PLCB4: variants seen among roughly 807,000 people sequenced by gnomAD.
PLCB4 encodes the protein phospholipase C beta 4.
A neutral mutation model predicts 178.8 loss-of-function variants in PLCB4; 77 were observed. The ratio of observed to expected loss-of-function variants is 0.43; its 90% CI spans 0.36 to 0.52. The LOEUF (loss-of-function observed/expected upper bound fraction) is 0.52, where lower values mean the gene tolerates loss of function less well. Among genes scored for constraint, PLCB4 ranks in the 20% least tolerant of loss-of-function variants. PLCB4 has a pLI of 0.00. For synonymous variants in PLCB4, 496 were observed against 490.8 expected (o/e 1.01, Z -0.14); for missense variants, 1,024 against 1,453.4 (o/e 0.70, Z 4.80).
chr20:9,337,157 T>C lies in PLCB4; in HGVS notation c.116T>C (p.Phe39Ser). 6.2e-7 allele frequency: 1 copy of C among 1,613,324 alleles called. No homozygotes were observed. The highest frequency in any genetic ancestry group is 8.5e-7 in the Non-Finnish European group (1 of 1,179,392). ...TTTGTGTTTGAACCCAACTGCCTCTTCAAAGTGGATGAGTTTGGCTTCTTT... is the reference window on the plus strand; with the variant it reads ...TTTGTGTTTGAACCCAACTGCCTCTCCAAAGTGGATGAGTTTGGCTTCTTT... ...ESFVFEPNCL[F>S]KVDEFGFFLT... The change falls in exon 5 of 40, where the codon TTC (phenylalanine) becomes TCC (serine). Residue 39 changes from phenylalanine to serine, a missense_variant. Around this residue, in one of 7 missense-constraint regions of PLCB4, gnomAD observed 225 missense variants for 291.0 expected, o/e 0.77. Coordinates refer to ENST00000378473, the MANE Select transcript of PLCB4 (RefSeq NM_001377142.1).
intron 2 of PLCB4, among the ~76,000 whole-genome samples, chr20:9,171,302 T>C (rs2093059717): frequency 6.6e-6 from 1 of 152,202 alleles, no homozygotes; most frequent in African/African-American, 2.4e-5. Context: ...CAAAGGTACA[T>C]CATTTAGTAG....
intron 2 of PLCB4, among the ~76,000 whole-genome samples, chr20:9,168,239 C>T (rs542473542): frequency 3.9e-5 from 6 of 152,106 alleles, no homozygotes; most frequent in Non-Finnish European, 7.4e-5. Context: ...TAGACTCTCC[C>T]GGGGCTTTGG....
At chr20:9,203,056 A>AAAAATATATAT (rs769628056) in intron 2 of PLCB4, among the ~76,000 whole-genome samples, 9 of 126,160 alleles carry the variant, frequency 7.1e-5, no homozygotes, top group African/African-American at 3.0e-4. Context: ...AAAAAAAAAA[A>AAAAATATATAT]ATATATATAT....
At chr20:9,253,236 A>C (rs1366820488) in intron 3 of PLCB4, among the ~76,000 whole-genome samples, 1 of 152,156 alleles carries the variant, frequency 6.6e-6, no homozygotes, top group African/African-American at 2.4e-5. Flanking sequence ...TGGCCTGTGC[A>C]CATTTCCAGC....
intron 1 of PLCB4, among the ~76,000 whole-genome samples, chr20:9,076,125 G>C (rs766561308): frequency 6.6e-6 from 1 of 151,986 alleles, no homozygotes; most frequent in Non-Finnish European, 1.5e-5. Context: ...ACAAAGTTGA[G>C]GGGGGAAGGG....
intron 2 of PLCB4, among the ~76,000 whole-genome samples, chr20:9,207,712 T>A (rs2093629787): frequency 6.6e-6 from 1 of 152,246 alleles, no homozygotes; most frequent in Non-Finnish European, 1.5e-5. Flanking sequence ...AGGAAAGGGA[T>A]CCAATCATGT....
chr20:9,446,580 T>A (rs1022354967), intron 32 of PLCB4, among the ~76,000 whole-genome samples: 3 of 152,202 alleles, frequency 2.0e-5, no homozygotes, highest in Non-Finnish European at 4.4e-5. Flanking sequence ...GCCAGCTCTG[T>A]TAACATATTG....
intron 1 of PLCB4, among the ~76,000 whole-genome samples, chr20:9,085,195 A>C (rs947286866): frequency 6.6e-6 from 1 of 152,204 alleles, no homozygotes; most frequent in Non-Finnish European, 1.5e-5. Context: ...TTAAAATACT[A>C]TTCAGAACCT....
At chr20:9,395,393 A>G (rs541640973) in intron 18 of PLCB4, 130 bp from the exon 19 acceptor site, 6 of 649,030 alleles carry the variant, frequency 9.2e-6, no homozygotes, top group East Asian at 5.5e-5. Context: ...CCTTAGAAAC[A>G]TGGTGCCTTG....
chr20:9,355,605 G>T (rs953069791), intron 7 of PLCB4, among the ~76,000 whole-genome samples: 1 of 151,878 alleles, frequency 6.6e-6, no homozygotes, highest in Non-Finnish European at 1.5e-5. Context: ...TTTCATCCAT[G>T]TCCCTACAAA....
intron 3 of PLCB4, among the ~76,000 whole-genome samples, chr20:9,223,300 A>T (rs138261038): frequency 6.6e-6 from 1 of 152,328 alleles, no homozygotes; most frequent in East Asian, 1.9e-4. Context: ...TTTGCAGTAC[A>T]TGAAATGAGA....
chr20:9,209,665 G>T (rs912188658), intron 2 of PLCB4, among the ~76,000 whole-genome samples: 2 of 152,056 alleles, frequency 1.3e-5, no homozygotes, highest in East Asian at 3.9e-4. Context: ...CAGCCTGAGT[G>T]AACTTGTAAG....
At chr20:9,423,973 C>A (rs771733756) in intron 28 of PLCB4, 21 bp downstream of exon 28, 1 of 1,442,492 alleles carries the variant, frequency 6.9e-7, no homozygotes, top group Non-Finnish European at 9.7e-7. Context: ...CATTTGGGTA[C>A]GGAATATGAT....
intron 19 of PLCB4, among the ~76,000 whole-genome samples, chr20:9,398,032 C>T (rs1028289280): frequency 2.0e-5 from 3 of 152,126 alleles, no homozygotes; most frequent in African/African-American, 7.2e-5. Flanking sequence ...TCCGCTGGGC[C>T]TCACTGACCA....
chr20:9,421,208 AAG>A, intron 26 of PLCB4, 87 bp from the exon 27 acceptor site: 2 of 1,024,256 alleles, frequency 2.0e-6, no homozygotes, highest in South Asian at 3.5e-5. Flanking sequence ...TCCCACCCAA[AAG>A]ACAGAATTTC....
chr20:9,345,275 A>G (rs989403478), intron 7 of PLCB4, among the ~76,000 whole-genome samples: 1 of 151,980 alleles, frequency 6.6e-6, no homozygotes, highest in Admixed American at 6.6e-5. Flanking sequence ...TCCTGGAATC[A>G]TTCTCATCTT....
chr20:9,250,080 A>G (rs1417463744), intron 3 of PLCB4, among the ~76,000 whole-genome samples: 1 of 152,232 alleles, frequency 6.6e-6, no homozygotes, highest in Non-Finnish European at 1.5e-5. Flanking sequence ...GCAGCAAATA[A>G]TTTAACTTGT....
intron 3 of PLCB4, among the ~76,000 whole-genome samples, chr20:9,242,173 G>A (rs2094070816): frequency 6.6e-6 from 1 of 152,212 alleles, no homozygotes. Context: ...AAAGTTACAG[G>A]ACAAAGGCCA....
At chr20:9,073,496 T>C (rs1370780406) in intron 1 of PLCB4, among the ~76,000 whole-genome samples, 3 of 152,206 alleles carry the variant, frequency 2.0e-5, no homozygotes, top group East Asian at 3.8e-4. Context: ...CATGTATTAC[T>C]TCACATATCC....
Sources: gnomAD v4.1 joint callset for allele counts (sites outside exome capture counted in the v4.1 genomes callset) on GRCh38, gnomAD v4.1.1 for gene constraint, gnomAD v4.1.1 regional missense constraint, MANE v1.5 for transcripts, NCBI Gene and HGNC (gene_info 2026-07-23, HGNC 2026-07-21) for gene names.